The following CALN1 variants were observed in gnomAD, a reference collection of about 807,000 sequenced individuals.
The protein encoded by CALN1 is calcium-binding protein 8.
CALN1 carries 17 observed loss-of-function variants against 30.6 expected under a neutral mutation model. That is an observed-to-expected ratio of 0.56 (90% CI 0.38 to 0.83). The LOEUF is 0.83. Ranked by LOEUF, CALN1 falls within the 40% of genes least tolerant of loss-of-function variation. The pLI is 0.00. For synonymous variants in CALN1, 156 were observed against 131.4 expected (o/e 1.19, Z -1.28); for missense variants, 291 against 354.9 (o/e 0.82, Z 1.45).
intron 5 of CALN1, among the ~76,000 whole-genome samples, chr7:71,842,552 G>C (rs1789996794): frequency 6.6e-6 from 1 of 152,162 alleles, no homozygotes; most frequent in African/African-American, 2.4e-5. Flanking sequence ...AGTGAATTCT[G>C]AATTAAGAAA....
In CALN1 at chr7:72,117,523, G is replaced by GGT. The variant is rs374442843; in HGVS notation, c.245-11231_245-11230dup. Among the ~76,000 whole-genome samples the GGT allele has an allele frequency of 6.2e-3, 949 of 152,074 alleles. 11 individuals carry two copies. The highest frequency in any genetic ancestry group is 0.021 in the African/African-American group (863 of 41,506). On this transcript the variant is annotated intron_variant, in intron 3 of 6. Transcript: ENST00000395275. ...CTCTGAAAGGGAAGGGATATAACAA[G>GGT]GTGTGTGTGTGTGACCTCCCTTCCC... is the stretch of plus-strand genomic sequence containing the variant.
intron 3 of CALN1, among the ~76,000 whole-genome samples, chr7:72,256,897 AC>A (rs1471110290): frequency 6.6e-6 from 1 of 152,128 alleles, no homozygotes; most frequent in African/African-American, 2.4e-5. Flanking sequence ...ATTGCCAAGT[AC>A]CCTGCCATGT....
intron 2 of CALN1, among the ~76,000 whole-genome samples, chr7:72,311,791 C>T (rs576425401): frequency 4.6e-5 from 7 of 151,650 alleles, no homozygotes; most frequent in South Asian, 2.1e-4. Flanking sequence ...GCCACCACCG[C>T]GCCTGGCCAT....
intron 5 of CALN1, among the ~76,000 whole-genome samples, chr7:71,816,883 A>G (rs60088953): frequency 0.18 from 26,790 of 152,014 alleles, 3,512 homozygotes; most frequent in East Asian, 0.61. Flanking sequence ...CAGGAGAATC[A>G]CTTGAACCTG....
intron 5 of CALN1, among the ~76,000 whole-genome samples, chr7:71,980,344 G>A (rs186542235): frequency 4.0e-5 from 6 of 148,450 alleles, no homozygotes; most frequent in Admixed American, 1.3e-4. Context: ...GCACCACCAC[G>A]TCCAGTTAAT....
intron 5 of CALN1, among the ~76,000 whole-genome samples, chr7:71,836,620 CTCT>C (rs1418203269): frequency 4.8e-5 from 6 of 123,940 alleles, no homozygotes; most frequent in African/African-American, 1.8e-4. Context: ...TTCTCTCTGT[CTCT>C]TTTTTTTTTT....
At chr7:71,791,870 G>T (rs568633164) in intron 6 of CALN1, among the ~76,000 whole-genome samples, 76 of 152,286 alleles carry the variant, frequency 5.0e-4, no homozygotes, top group African/African-American at 1.7e-3. Flanking sequence ...AATTAGCCGG[G>T]CGTGTTGGCG....
At chr7:72,071,091 G>A (rs1804360735) in intron 4 of CALN1, among the ~76,000 whole-genome samples, 1 of 152,182 alleles carries the variant, frequency 6.6e-6, no homozygotes, top group Admixed American at 6.5e-5. Flanking sequence ...GAAAGGCTTG[G>A]TTGGTAAATT....
chr7:71,874,650 G>GT (rs1317716602), intron 5 of CALN1, among the ~76,000 whole-genome samples: 6 of 152,172 alleles, frequency 3.9e-5, no homozygotes, highest in African/African-American at 1.2e-4. Context: ...TTATTTTTCT[G>GT]TGATTCCCCG....
At chr7:72,168,805 ATTT>A (rs3030351) in intron 3 of CALN1, among the ~76,000 whole-genome samples, 23 of 128,482 alleles carry the variant, frequency 1.8e-4, no homozygotes, top group African/African-American at 6.2e-4. Flanking sequence ...TATTATTATT[ATTT>A]TTTTTTTTTT....
At chr7:71,804,531 T>C (rs1787493270) in intron 6 of CALN1, among the ~76,000 whole-genome samples, 1 of 152,112 alleles carries the variant, frequency 6.6e-6, no homozygotes, top group Admixed American at 6.6e-5. Context: ...AATAAATAAA[T>C]AAACTCACTG....
chr7:72,363,041 C>T (rs973586360), intron 2 of CALN1, among the ~76,000 whole-genome samples: 1 of 152,108 alleles, frequency 6.6e-6, no homozygotes, highest in Admixed American at 6.6e-5. Flanking sequence ...TTTAATTTAA[C>T]TTTTAAGTTC....
At chr7:72,455,904 G>T in the CALN1 span, among the ~76,000 whole-genome samples, 2 of 152,158 alleles carry the variant, frequency 1.3e-5, no homozygotes, top group African/African-American at 4.8e-5. Context: ...GCTAAGCTGT[G>T]TCTTAACATG....
the CALN1 span, among the ~76,000 whole-genome samples, chr7:72,487,854 G>GAGAAAGAA: frequency 0.012 from 801 of 69,444 alleles, 25 homozygotes; most frequent in South Asian, 0.018. Context: ...GAAAAAGAAA[G>GAGAAAGAA]AGAAAGAAAG....
chr7:72,362,566 G>A (rs1231630853), intron 2 of CALN1, among the ~76,000 whole-genome samples: 1 of 152,152 alleles, frequency 6.6e-6, no homozygotes, highest in Non-Finnish European at 1.5e-5. Context: ...TTCTTTCACA[G>A]ATAATGATTC....
intron 3 of CALN1, among the ~76,000 whole-genome samples, chr7:72,205,551 A>AATATATACATAT (rs1554319584): frequency 2.4e-5 from 2 of 83,052 alleles, no homozygotes; most frequent in Admixed American, 2.8e-4. Context: ...GCAAAAAAAA[A>AATATATACATAT]ATATATATAT....
chr7:72,359,990 A>AAAAAAAAAAAAAAAAAAAAAAAAAAAAC lies in CALN1; in HGVS notation c.119+43260_119+43261insGTTTTTTTTTTTTTTTTTTTTTTTTTTT, dbSNP rs1365927582. 3.3e-4 allele frequency among the ~76,000 whole-genome samples: 49 copies of AAAAAAAAAAAAAAAAAAAAAAAAAAAAC among 148,260 alleles called. 3 individuals carry two copies. The highest frequency in any genetic ancestry group is 5.1e-4 in the Non-Finnish European group (34 of 66,890). On this transcript the variant is annotated intron_variant, in intron 2 of 6. Coordinates refer to ENST00000395275, the MANE Select transcript of CALN1 (RefSeq NM_031468.4). Reference sequence around the variant, plus strand: ...AGACTCCATCTCAAAAAAAAAAAAAAACCAAAGTTGACCTGGATTCTGCAA... The same window carrying AAAAAAAAAAAAAAAAAAAAAAAAAAAAC: ...AGACTCCATCTCAAAAAAAAAAAAAAAAAAAAAAAAAAAAAAAAAAAAAAAAACACCAAAGTTGACCTGGATTCTGCAA...
chr7:71,831,722 C>CA, intron 5 of CALN1, among the ~76,000 whole-genome samples: 1 of 150,790 alleles, frequency 6.6e-6, no homozygotes, highest in African/African-American at 2.4e-5. Context: ...CCCATCTCTA[C>CA]AAAAAAATAC....
At chr7:72,094,685 A>T (rs1806099253) in intron 4 of CALN1, among the ~76,000 whole-genome samples, 1 of 152,216 alleles carries the variant, frequency 6.6e-6, no homozygotes, top group Non-Finnish European at 1.5e-5. Context: ...TCCTGGGCAT[A>T]CTGTAGAAGA....
Sources: gnomAD v4.1 joint callset for allele counts (sites outside exome capture counted in the v4.1 genomes callset) on GRCh38, gnomAD v4.1.1 for gene constraint, MANE v1.5 for transcripts, NCBI Gene and HGNC (gene_info 2026-07-23, HGNC 2026-07-21) for gene names.